Variants in EPAS1 observed in about 807,000 individuals in gnomAD.
The protein encoded by EPAS1 is endothelial PAS domain-containing protein 1.
In EPAS1, 23 loss-of-function variants were observed where a neutral mutation model predicts 87.9. That is an observed-to-expected ratio of 0.26 (90% CI 0.19 to 0.37). The LOEUF is 0.37. EPAS1 is among the 10% of genes least tolerant of loss of function. EPAS1 has a pLI of 1.00. For synonymous variants in EPAS1, 508 were observed against 444.3 expected (o/e 1.14, Z -1.80); for missense variants, 1,138 against 1,120.7 (o/e 1.02, Z -0.22).
rs914544662 is a variant in EPAS1 at position 46,381,878 on chromosome 2, C to G, written c.2173-97C>G. 10 of 1,527,136 alleles carry G rather than the reference C, an allele frequency of 6.5e-6. No homozygotes were observed. In the African/African-American group the frequency reaches 1.1e-4, roughly 17 times the overall value. The allele number at this position is 1,527,136 out of a possible 1,614,324, so 94.6% of individuals were successfully genotyped here. On this transcript the variant is annotated intron_variant, in intron 13 of 15. Transcript: ENST00000263734. ...TGGGGATGTGGCCCTTCCAAGCCAG[C>G]AAGTGCCAGCCCTGTTCCAGGCCCA...
At position 46,376,689 on chromosome 2, in the gene EPAS1, G is replaced by C; in HGVS notation, c.1185G>C (p.Glu395Asp). 2 of 1,613,806 alleles carry C rather than the reference G, an allele frequency of 1.2e-6. No individual in the cohort carries two copies. Among genetic ancestry groups the C allele is most frequent in the South Asian group, 1.1e-5 (1 of 91,050 alleles). Residue 395 changes from glutamate to aspartate, a missense_variant, in exon 9 of 16, where the codon GAG (glutamate) becomes GAC (aspartate). Physicochemically the swap from Glu to Asp is conservative, Grantham distance 45 (BLOSUM62 2). Around this residue, in one of 4 missense-constraint regions of EPAS1, gnomAD observed 284 missense variants for 258.4 expected, o/e 1.10. Transcript: ENST00000263734. ...ACTTCCTATTCACCAAGCTAAAGGAGGAGCCCGAGGAGCTGGCCCAGCTGG... is the reference window on the plus strand; with the variant it reads ...ACTTCCTATTCACCAAGCTAAAGGACGAGCCCGAGGAGCTGGCCCAGCTGG... The part of the protein sequence containing the change: ...KSNFLFTKLK[E>D]EPEELAQLAP...
In EPAS1 at chr2:46,380,435, T is replaced by C. The variant is rs1211707554; in HGVS notation, c.1763T>C (p.Phe588Ser). 1 of 1,614,074 alleles carries C rather than the reference T, an allele frequency of 6.2e-7. No homozygotes were observed. Among genetic ancestry groups the C allele is most frequent in the Non-Finnish European group, 8.5e-7 (1 of 1,180,000 alleles). The change falls in exon 12 of 16, where the codon TTT (phenylalanine) becomes TCT (serine). Residue 588 changes from phenylalanine (F) to serine (S), a missense_variant. Transcript: ENST00000263734. The surrounding 1 kb of genome is among the most constrained non-coding windows in gnomAD (Gnocchi z 4.4). ...APHSPFLLDK[F>S]QQQLESKKTE... ...CACAGTCCCTTCCTCCTGGACAAGT[T>C]TCAGCAGCAGCTGGAGAGCAAGAAG...
intron 9 of EPAS1, 150 bp from the exon 10 acceptor site, chr2:46,377,744 C>A: frequency 7.8e-7 from 1 of 1,285,252 alleles, no homozygotes; most frequent in East Asian, 2.5e-5. Flanking sequence ...CCCATGTGTT[C>A]CAGCTGAGCC....
chr2:46,324,072 T>C (rs1683506199), intron 1 of EPAS1, among the ~76,000 whole-genome samples: 1 of 152,188 alleles, frequency 6.6e-6, no homozygotes, highest in African/African-American at 2.4e-5. Flanking sequence ...GGTTTTTTTG[T>C]TTGTTTGTTT....
intron 1 of EPAS1, among the ~76,000 whole-genome samples, chr2:46,313,797 C>T (rs1359230121): frequency 6.6e-6 from 1 of 152,102 alleles, no homozygotes; most frequent in African/African-American, 2.4e-5. Flanking sequence ...CTTTGCTGCC[C>T]CCTAGTATGT....
At chr2:46,382,174 A>C in intron 14 of EPAS1, 85 bp downstream of exon 14, 3 of 1,302,292 alleles carry the variant, frequency 2.3e-6, no homozygotes, top group South Asian at 2.5e-5. Context: ...TCTTCCATTC[A>C]CCACAGGCCG....
chr2:46,334,611 C>T (rs1490067234), intron 1 of EPAS1, among the ~76,000 whole-genome samples: 1 of 152,226 alleles, frequency 6.6e-6, no homozygotes, highest in East Asian at 1.9e-4. Flanking sequence ...CTCTTCACCT[C>T]TCTGCAAGCT....
chr2:46,337,212 G>T (rs1185811648), intron 1 of EPAS1, among the ~76,000 whole-genome samples: 1 of 152,220 alleles, frequency 6.6e-6, no homozygotes, highest in Admixed American at 6.5e-5. Flanking sequence ...ATGTGGTCTA[G>T]TTAGGGAGAC....
At chr2:46,377,752 GC>G in intron 9 of EPAS1, 141 bp from the exon 10 acceptor site, 3 of 1,365,780 alleles carry the variant, frequency 2.2e-6, no homozygotes, top group Non-Finnish European at 3.1e-6. Context: ...TTCCAGCTGA[GC>G]CCCAGGGTGT....
chr2:46,362,085 C>A (rs1349373183), intron 6 of EPAS1, among the ~76,000 whole-genome samples: 10 of 152,208 alleles, frequency 6.6e-5, no homozygotes, highest in African/African-American at 2.4e-4. Context: ...ATGCGCCCTT[C>A]CTGGCAGAGA....
rs576196431 is a variant in EPAS1, at chr2:46,360,583, T to C, written c.455-55T>C. The C allele has an allele frequency of 3.3e-5, 49 of 1,488,240 alleles. No individual in the cohort carries two copies. Among genetic ancestry groups the C allele is most frequent in the Middle Eastern group, 3.4e-4 (2 of 5,846 alleles). The allele number at this position is 1,488,240 out of a possible 1,614,324, so 92.2% of individuals were successfully genotyped here. On this transcript the variant is annotated intron_variant, in intron 4 of 15. Coordinates refer to ENST00000263734, the MANE Select transcript of EPAS1 (RefSeq NM_001430.5). The surrounding 1 kb of genome is among the most constrained non-coding windows in gnomAD (Gnocchi z 4.5). Reference sequence around the variant, plus strand: ...AAAAACTGCAGCTGGGCCCCTCTCATGAATATCCATATAAAACTGACTTCA... The same window carrying C: ...AAAAACTGCAGCTGGGCCCCTCTCACGAATATCCATATAAAACTGACTTCA...
At chr2:46,374,212 T>A (rs1684684694) in intron 7 of EPAS1, among the ~76,000 whole-genome samples, 4 of 152,142 alleles carry the variant, frequency 2.6e-5, no homozygotes, top group African/African-American at 9.7e-5. Flanking sequence ...GTTCCTCAGC[T>A]GTACAGGGCT....
chr2:46,374,097 G>C (rs1467490755), intron 7 of EPAS1, among the ~76,000 whole-genome samples: 1 of 152,234 alleles, frequency 6.6e-6, no homozygotes, highest in East Asian at 1.9e-4. Context: ...ACAAATGTAA[G>C]TTACAGGAAT....
intron 1 of EPAS1, among the ~76,000 whole-genome samples, chr2:46,340,711 C>T (rs1683895010): frequency 6.6e-6 from 1 of 152,094 alleles, no homozygotes; most frequent in African/African-American, 2.4e-5. Context: ...TAATATTTTC[C>T]ATTCTGAATT....
At chr2:46,327,400 A>T (rs1683584355) in intron 1 of EPAS1, among the ~76,000 whole-genome samples, 1 of 149,958 alleles carries the variant, frequency 6.7e-6, no homozygotes, top group Non-Finnish European at 1.5e-5. Context: ...AGAACATAGG[A>T]ATAGAGATTT....
chr2:46,310,492 C>A (rs1683189323), intron 1 of EPAS1, among the ~76,000 whole-genome samples: 1 of 152,204 alleles, frequency 6.6e-6, no homozygotes, highest in Non-Finnish European at 1.5e-5. Context: ...TGTTCCTTGA[C>A]CTTCTCCTTT....
chr2:46,368,970 TAA>T (rs778299083), intron 6 of EPAS1, among the ~76,000 whole-genome samples: 1 of 152,210 alleles, frequency 6.6e-6, no homozygotes, highest in Non-Finnish European at 1.5e-5. Context: ...CTAAGAATGT[TAA>T]GTGATTCTTC....
rs371184501 is a variant in EPAS1, at chr2:46,384,565, A to G, written c.2518A>G (p.Thr840Ala). 1.6e-5 allele frequency: 26 copies of G among 1,614,014 alleles called. No individual in the cohort carries two copies. The highest frequency in any genetic ancestry group is 2.1e-5 in the Non-Finnish European group (25 of 1,180,034). Residue 840 changes from threonine (T) to alanine (A), a missense_variant, in exon 16 of 16, where the codon ACC (threonine) becomes GCC (alanine). Coordinates refer to ENST00000263734, the MANE Select transcript of EPAS1 (RefSeq NM_001430.5). Reference protein sequence around the residue: ...SFESYLLPELTRYDCEVNVPV... With the variant: ...SFESYLLPELARYDCEVNVPV... Reference sequence around the variant, plus strand: ...TGAGTCCTACCTGCTGCCCGAACTGACCAGATATGACTGTGAGGTGAACGT... The same window carrying G: ...TGAGTCCTACCTGCTGCCCGAACTGGCCAGATATGACTGTGAGGTGAACGT...
intron 14 of EPAS1, 36 bp from the exon 15 acceptor site, chr2:46,382,389 C>T: frequency 7.4e-6 from 12 of 1,613,632 alleles, no homozygotes; most frequent in Non-Finnish European, 1.0e-5. Flanking sequence ...TCCCTCAGGC[C>T]AATGCTACCG....
Sources: allele counts gnomAD v4.1 joint callset (sites outside exome capture counted in the v4.1 genomes callset), GRCh38; gene constraint gnomAD v4.1.1; regional missense constraint gnomAD v4.1.1; non-coding constraint Gnocchi (gnomAD v3.1); transcripts MANE v1.5; gene names NCBI Gene and HGNC (gene_info 2026-07-23, HGNC 2026-07-21).